Variants in TAFA1 observed in about 807,000 individuals in gnomAD.
The protein encoded by TAFA1 is chemokine-like protein TAFA-1.
A neutral mutation model predicts 18.5 loss-of-function variants in TAFA1; 4 were observed. That is an observed-to-expected ratio of 0.22 (90% CI 0.11 to 0.49). The LOEUF (loss-of-function observed/expected upper bound fraction) is 0.49, where lower values mean the gene tolerates loss of function less well. Ranked by LOEUF, TAFA1 falls within the 20% of genes least tolerant of loss-of-function variation. The pLI, the probability that TAFA1 is intolerant of heterozygous loss-of-function variation, is 0.98. For missense variants in TAFA1, 147 were observed against 169.0 expected (o/e 0.87, Z 0.72); for synonymous variants, 56 against 55.2 (o/e 1.01, Z -0.06).
chr3:68,436,096 A>G (rs1156623883), intron 3 of TAFA1, among the ~76,000 whole-genome samples: 1 of 152,168 alleles, frequency 6.6e-6, no homozygotes, highest in Non-Finnish European at 1.5e-5. Context: ...AATAAGGTAG[A>G]ATGGATTGAA....
At chr3:68,231,090 A>G (rs1202452835) in intron 2 of TAFA1, among the ~76,000 whole-genome samples, 2 of 152,144 alleles carry the variant, frequency 1.3e-5, no homozygotes, top group Admixed American at 6.5e-5. Context: ...GTTTATTTAA[A>G]TGCATGTGTA....
At chr3:68,445,864 T>C (rs564953678) in intron 3 of TAFA1, among the ~76,000 whole-genome samples, 1 of 152,264 alleles carries the variant, frequency 6.6e-6, no homozygotes, top group Admixed American at 6.5e-5. Context: ...GCATACCCTA[T>C]CTGGCCTAAC....
rs10681423 is a variant in TAFA1, at chr3:68,329,216, C to CTTTTTTTTTTT, written c.119-88051_119-88041dup. Among the ~76,000 whole-genome samples, 263 of 88,980 alleles carry CTTTTTTTTTTT rather than the reference C, an allele frequency of 3.0e-3. 1 individual carries two copies. The highest frequency in any genetic ancestry group is 8.1e-3 in the African/African-American group (181 of 22,238). The allele number at this position is 88,980 out of a possible 152,430, so 58.4% of individuals were successfully genotyped here. ...GGTGTGCACAACCATGCCTGGCTGC[C>CTTTTTTTTTTT]TTTTTTTTTTTTTTTTTTTTTTTGT... On this transcript the variant is annotated intron_variant, in intron 2 of 4. Transcript: ENST00000478136.
chr3:68,297,178 G>C (rs1466911349), intron 2 of TAFA1, among the ~76,000 whole-genome samples: 1 of 152,162 alleles, frequency 6.6e-6, no homozygotes, highest in Non-Finnish European at 1.5e-5. Context: ...ATCAGACCTT[G>C]CAAAACACAG....
chr3:68,317,262 G>T (rs569652444), intron 2 of TAFA1, among the ~76,000 whole-genome samples: 8 of 152,160 alleles, frequency 5.3e-5, no homozygotes, highest in Admixed American at 1.3e-4. Flanking sequence ...CAAGTGAAAG[G>T]TTATCAACTG....
At chr3:68,357,300 T>C (rs776439257) in intron 2 of TAFA1, among the ~76,000 whole-genome samples, 1 of 151,878 alleles carries the variant, frequency 6.6e-6, no homozygotes, top group Non-Finnish European at 1.5e-5. Context: ...GAAAAGCAAG[T>C]ATTCATTATG....
chr3:68,093,645 G>A (rs933758864), intron 2 of TAFA1, among the ~76,000 whole-genome samples: 1 of 151,992 alleles, frequency 6.6e-6, no homozygotes, highest in East Asian at 1.9e-4. Flanking sequence ...AGCTGCTCCA[G>A]GTCAGAAGGT....
chr3:68,159,276 T>C (rs952253387), intron 2 of TAFA1, among the ~76,000 whole-genome samples: 48 of 152,304 alleles, frequency 3.2e-4, no homozygotes, highest in African/African-American at 1.1e-3. Flanking sequence ...TGAAATCCTA[T>C]GCAAAATGCC....
At chr3:68,051,378 A>G (rs1173932633) in intron 2 of TAFA1, among the ~76,000 whole-genome samples, 1 of 152,172 alleles carries the variant, frequency 6.6e-6, no homozygotes, top group Non-Finnish European at 1.5e-5. Flanking sequence ...TTAAAATTGA[A>G]TAACCTATTA....
At chr3:68,170,025 G>A (rs1197299531) in intron 2 of TAFA1, among the ~76,000 whole-genome samples, 1 of 152,170 alleles carries the variant, frequency 6.6e-6, no homozygotes, top group African/African-American at 2.4e-5. Flanking sequence ...GTCCTCAAAT[G>A]TAAATTTCTA....
chr3:68,084,250 T>C (rs151099576), intron 2 of TAFA1, among the ~76,000 whole-genome samples: 40 of 152,380 alleles, frequency 2.6e-4, no homozygotes, highest in South Asian at 8.3e-4. Flanking sequence ...TATTTTTATA[T>C]GTGTAAAATA....
intron 2 of TAFA1, among the ~76,000 whole-genome samples, chr3:68,138,138 ATAG>A (rs1252159339): frequency 6.6e-6 from 1 of 152,224 alleles, no homozygotes; most frequent in Non-Finnish European, 1.5e-5. Flanking sequence ...CGAGAGTTTC[ATAG>A]TAGAGACATT....
chr3:68,091,380 A>G (rs1343344823), intron 2 of TAFA1, among the ~76,000 whole-genome samples: 2 of 152,176 alleles, frequency 1.3e-5, no homozygotes, highest in African/African-American at 4.8e-5. Context: ...AGCACAAAAT[A>G]GCTGGCTGAC....
At chr3:68,172,460 G>T (rs1026926950) in intron 2 of TAFA1, among the ~76,000 whole-genome samples, 1 of 152,128 alleles carries the variant, frequency 6.6e-6, no homozygotes, top group Non-Finnish European at 1.5e-5. Flanking sequence ...GATTATAAAA[G>T]GTTGCAGAAA....
chr3:68,049,078 G>A (rs929926581), intron 2 of TAFA1, among the ~76,000 whole-genome samples: 1 of 152,040 alleles, frequency 6.6e-6, no homozygotes, highest in African/African-American at 2.4e-5. Context: ...CATTATAGCT[G>A]GGCACATTTT....
intron 3 of TAFA1, among the ~76,000 whole-genome samples, chr3:68,475,887 A>G (rs1258647167): frequency 2.0e-5 from 3 of 152,060 alleles, no homozygotes; most frequent in African/African-American, 4.8e-5. Flanking sequence ...TTGTGGTTTT[A>G]ATTTGCTTTT....
chr3:68,217,612 A>G (rs2066675277), intron 2 of TAFA1, among the ~76,000 whole-genome samples: 1 of 152,088 alleles, frequency 6.6e-6, no homozygotes, highest in Non-Finnish European at 1.5e-5. Context: ...TAAGAAGTGT[A>G]CCATACTAAT....
chr3:68,398,230 C>A (rs2070421770), intron 2 of TAFA1, among the ~76,000 whole-genome samples: 1 of 152,072 alleles, frequency 6.6e-6, no homozygotes, highest in Non-Finnish European at 1.5e-5. Flanking sequence ...AATATATAGA[C>A]CAATGGAAAT....
At chr3:68,288,479 T>C (rs1021265791) in intron 2 of TAFA1, among the ~76,000 whole-genome samples, 3 of 152,210 alleles carry the variant, frequency 2.0e-5, no homozygotes, top group Non-Finnish European at 4.4e-5. Context: ...TGTCGCCATT[T>C]GCACCAAGTT....
Sources: gnomAD v4.1 joint callset for allele counts (sites outside exome capture counted in the v4.1 genomes callset) on GRCh38, gnomAD v4.1.1 for gene constraint, MANE v1.5 for transcripts, NCBI Gene and HGNC (gene_info 2026-07-23, HGNC 2026-07-21) for gene names.